Variants in PLOD1 observed in about 807,000 individuals in gnomAD.
PLOD1 encodes the protein lysine hydroxylase.
Under a neutral mutation model 94.7 loss-of-function variants are expected in PLOD1, and 70 were observed. That is an observed-to-expected ratio of 0.74 (90% confidence interval 0.61 to 0.90). The LOEUF (loss-of-function observed/expected upper bound fraction) is 0.90, where lower values mean the gene tolerates loss of function less well. PLOD1 is among the 40% of genes least tolerant of loss of function. The probability of loss-of-function intolerance (pLI) is 0.00; values close to 1 mark genes in which losing one functional copy is unlikely to be tolerated. For synonymous variants in PLOD1, 417 were observed against 400.2 expected (o/e 1.04, Z -0.50); for missense variants, 905 against 972.7 (o/e 0.93, Z 0.93).
At chr1:11,949,189 G>A (rs1645678694) in intron 2 of PLOD1, among the ~76,000 whole-genome samples, 1 of 152,126 alleles carries the variant, frequency 6.6e-6, no homozygotes. Flanking sequence ...GGAAAGGCCT[G>A]CAGACTGTTC....
intron 18 of PLOD1, 57 bp downstream of exon 18, chr1:11,973,054 T>C: frequency 6.2e-7 from 1 of 1,608,140 alleles, no homozygotes; most frequent in Non-Finnish European, 8.5e-7. Context: ...GAGGGCTAGC[T>C]GAGGAGAGGC....
Position 11,957,646 on chromosome 1 carries a change from A to T in PLOD1, c.742-196A>T, listed in dbSNP as rs1244393125. On this transcript the variant is annotated intron_variant, in intron 7 of 18. Coordinates refer to ENST00000196061, the MANE Select transcript of PLOD1 (RefSeq NM_000302.4). This position sits in a 1 kb window ranked among gnomAD's most constrained non-coding sequence, Gnocchi z 4.1. ...TACAAGCTCTCGGGAGAAGCACTAG[A>T]GTGCCAAGCCCTCCCCTGCCCTCTC... Among the ~76,000 whole-genome samples the T allele has an allele frequency of 1.3e-5, 2 of 152,294 alleles. No individual in the cohort carries two copies. The highest frequency in any genetic ancestry group is 3.4e-3 in the Middle Eastern group (1 of 294).
At chr1:11,973,693 C>G (rs1436266928) in intron 18 of PLOD1, among the ~76,000 whole-genome samples, 1 of 151,694 alleles carries the variant, frequency 6.6e-6, no homozygotes, top group Non-Finnish European at 1.5e-5. Context: ...AATCCTCCCA[C>G]CTCAGCCCCC....
At position 11,956,769 on chromosome 1, in the gene PLOD1, A is replaced by G; in HGVS notation, c.644-148A>G. The G allele has an allele frequency of 4.3e-6, 3 of 699,318 alleles. No individual in the cohort carries two copies. In the South Asian group the frequency reaches 4.5e-5, roughly 10 times the overall value. The allele number at this position is 699,318 out of a possible 1,614,324, so 43.3% of individuals were successfully genotyped here. A position where few individuals can be genotyped will look rare whatever the true frequency, so the allele number is the denominator to read the frequency against. ...GAAGAAGGGATTATTCCTATTTTAT[A>G]GATGAGGAAACTGAGGCTTAGAGAG... is the stretch of plus-strand genomic sequence containing the variant. On this transcript the variant is annotated intron_variant, in intron 6 of 18. Coordinates refer to ENST00000196061, the MANE Select transcript of PLOD1 (RefSeq NM_000302.4).
intron 2 of PLOD1, among the ~76,000 whole-genome samples, chr1:11,949,223 G>T (rs1645678969): frequency 6.6e-6 from 1 of 152,066 alleles, no homozygotes; most frequent in African/African-American, 2.4e-5. Context: ...ACAGTCCCAG[G>T]GAAGGCGCTG....
chr1:11,973,596 T>TTTC (rs1645881661), intron 18 of PLOD1, among the ~76,000 whole-genome samples: 1 of 151,948 alleles, frequency 6.6e-6, no homozygotes, highest in African/African-American at 2.4e-5. Context: ...TTTTTCTTTT[T>TTTC]CGAGACAGGG....
rs1246138418 is a variant in PLOD1, at chr1:11,952,714, C to T, written c.558C>T (p.Ile186=). The part of the protein sequence containing the change: ...SDSDQLFYTK[I]FLDPEKREQI... ...GCGATCAGCTGTTTTACACCAAGAT[C>T]TTCTTGGACCCGGAGAAGAGGGTAA... The change falls in exon 5 of 19, where the codon ATC becomes ATT. Residue 186 remains isoleucine (I), a synonymous_variant. Coordinates refer to ENST00000196061, the MANE Select transcript of PLOD1 (RefSeq NM_000302.4). 6.2e-6 allele frequency: 10 copies of T among 1,612,618 alleles called. No homozygotes were observed. Among genetic ancestry groups the T allele is most frequent in the Non-Finnish European group, 8.5e-6 (10 of 1,178,622 alleles).
Position 11,963,609 on chromosome 1 carries a change from GCCT to G in PLOD1, c.1176_1178del (p.Ser392_Leu393delinsArg). On this transcript the variant is annotated inframe_deletion, in exon 11 of 19. Transcript: ENST00000196061. This position sits in a 1 kb window ranked among gnomAD's most constrained non-coding sequence, Gnocchi z 4.3. Reference sequence around the variant, plus strand: ...GACGTGGCCCTGACCGAGCCCAACAGCCTGCGGCTGCTGATCCAACAGAACAAG... The same window carrying G: ...GACGTGGCCCTGACCGAGCCCAACAGGCGGCTGCTGATCCAACAGAACAAG... 6.3e-7 allele frequency: 1 copy of G among 1,599,196 alleles called. No individual in the cohort carries two copies. The highest frequency in any genetic ancestry group is 8.5e-7 in the Non-Finnish European group (1 of 1,173,646).
intron 10 of PLOD1, among the ~76,000 whole-genome samples, chr1:11,961,030 C>T (rs1349433838): frequency 6.6e-6 from 1 of 151,402 alleles, no homozygotes; most frequent in Admixed American, 6.6e-5. Context: ...GGACTGGGGG[C>T]AAAAGTAGAC....
Position 11,944,503 on chromosome 1 carries a change from C to T in PLOD1, c.77-3473C>T, listed in dbSNP as rs751914892. ...CTTTTTCCATCCATGAAATGTGACA[C>T]TCTTCCTGTCCCCAGCAGCCCCCTG... On this transcript the variant is annotated intron_variant, in intron 1 of 18. Coordinates refer to ENST00000196061, the MANE Select transcript of PLOD1 (RefSeq NM_000302.4). 17 of 1,328,080 alleles carry T rather than the reference C, an allele frequency of 1.3e-5. No homozygotes were observed. The Middle Eastern group carries it at 1.9e-3, about 149-fold the overall frequency. The allele number at this position is 1,328,080 out of a possible 1,614,324, so 82.3% of individuals were successfully genotyped here.
In PLOD1 at chr1:11,974,639, T is replaced by C; in HGVS notation, c.2029-14T>C. 1 of 1,611,930 alleles carries C rather than the reference T, an allele frequency of 6.2e-7. No homozygotes were observed. The highest frequency in any genetic ancestry group is 8.5e-7 in the Non-Finnish European group (1 of 1,178,498). On this transcript the variant is annotated splice_polypyrimidine_tract_variant and intron_variant, in intron 18 of 18. Transcript: ENST00000196061. ...GGCGGTGGGGAAAGGCCACTGATGC[T>C]TTCTGTCTCCCAGGGCGGGGGCTGT... is the stretch of plus-strand genomic sequence containing the variant.
chr1:11,952,755 C>G lies in PLOD1; in HGVS notation c.579+20C>G. ...AAGAGGGTAAGAGGCAGTGGGCGGG[C>G]CAAGGAGAGGGGGCTGGGGATCCAC... On this transcript the variant is annotated intron_variant, in intron 5 of 18. Coordinates refer to ENST00000196061, the MANE Select transcript of PLOD1 (RefSeq NM_000302.4). 1 of 1,550,934 alleles carries G rather than the reference C, an allele frequency of 6.4e-7. No individual in the cohort carries two copies. Among genetic ancestry groups the G allele is most frequent in the Non-Finnish European group, 8.9e-7 (1 of 1,122,616 alleles).
intron 1 of PLOD1, among the ~76,000 whole-genome samples, chr1:11,941,862 T>G (rs1206107284): frequency 6.6e-6 from 1 of 152,226 alleles, no homozygotes; most frequent in Non-Finnish European, 1.5e-5. Flanking sequence ...TTTTGTATTT[T>G]TAGTAGAGAC....
At position 11,969,188 on chromosome 1, in the gene PLOD1, C is replaced by T. The variant is rs117259450; in HGVS notation, c.1756-1482C>T. 1.8e-3 allele frequency among the ~76,000 whole-genome samples: 280 copies of T among 151,986 alleles called. 6 individuals are homozygous for T. The East Asian group carries it at 0.045, about 24-fold the overall frequency. On this transcript the variant is annotated intron_variant, in intron 16 of 18. Coordinates refer to ENST00000196061, the MANE Select transcript of PLOD1 (RefSeq NM_000302.4). ...TTTTTAGTAGAGACAGGGGTTTCAC[C>T]GTGTTTGTGAGGCTGGTCTGAAACT...
chr1:11,940,400 C>G (rs1290250298), intron 1 of PLOD1, among the ~76,000 whole-genome samples: 1 of 152,182 alleles, frequency 6.6e-6, no homozygotes, highest in African/African-American at 2.4e-5. Context: ...CACAGCTCCC[C>G]TTTAGGGGAG....
chr1:11,946,073 T>G (rs1645652872), intron 1 of PLOD1, among the ~76,000 whole-genome samples: 1 of 152,194 alleles, frequency 6.6e-6, no homozygotes, highest in Admixed American at 6.6e-5. Context: ...TGATCTCATT[T>G]AATTACTCCA....
At position 11,973,043 on chromosome 1, in the gene PLOD1, G is replaced by A. The variant is rs756817891; in HGVS notation, c.2028+46G>A. ...GTCAAGGGGCCGGCAATGGGGATGA[G>A]GAGGGCTAGCTGAGGAGAGGCTTCA... On this transcript the variant is annotated intron_variant, in intron 18 of 18. Transcript: ENST00000196061. 8.1e-6 allele frequency: 13 copies of A among 1,611,770 alleles called. No homozygotes were observed. In the Admixed American group the frequency reaches 2.2e-4, roughly 27 times the overall value.
intron 1 of PLOD1, among the ~76,000 whole-genome samples, chr1:11,938,108 A>G (rs1645592256): frequency 6.6e-6 from 1 of 151,660 alleles, no homozygotes; most frequent in Non-Finnish European, 1.5e-5. Context: ...ATGCACCACC[A>G]TGCCTGGCTA....
At position 11,960,760 on chromosome 1, in the gene PLOD1, A is replaced by G. The variant is rs766824430; in HGVS notation, c.1090A>G (p.Met364Val). ...GATGGCGAATGCAGATGCCAGGAAC[A>G]TGGGCGCGTGAGTTGTGGGCCACAG... ...VRMANADARN[M>V]GADLCRQDRS... The change falls in exon 10 of 19, where the codon ATG becomes GTG. Residue 364 changes from methionine to valine, a missense_variant. Transcript: ENST00000196061. 1 of 1,613,048 alleles carries G rather than the reference A, an allele frequency of 6.2e-7. No individual in the cohort carries two copies. The highest frequency in any genetic ancestry group is 8.5e-7 in the Non-Finnish European group (1 of 1,179,942).
Sources: allele counts gnomAD v4.1 joint callset (sites outside exome capture counted in the v4.1 genomes callset), GRCh38; gene constraint gnomAD v4.1.1; non-coding constraint Gnocchi (gnomAD v3.1); transcripts MANE v1.5; gene names NCBI Gene and HGNC (gene_info 2026-07-23, HGNC 2026-07-21).